Variants in BRD3 observed in about 807,000 individuals in gnomAD.
BRD3 encodes bromodomain containing 3.
BRD3 carries 17 observed loss-of-function variants against 66.8 expected under a neutral mutation model. The ratio of observed to expected loss-of-function variants is 0.25; its 90% confidence interval spans 0.17 to 0.38. BRD3 has a LOEUF of 0.38. BRD3 is among the 10% of genes least tolerant of loss of function. The pLI is 1.00. For synonymous variants in BRD3, 421 were observed against 393.2 expected (o/e 1.07, Z -0.84); for missense variants, 713 against 956.1 (o/e 0.75, Z 3.35).
chr9:134,036,858 A>C (rs1368203728), intron 9 of BRD3, among the ~76,000 whole-genome samples: 1 of 151,820 alleles, frequency 6.6e-6, no homozygotes, highest in East Asian at 1.9e-4. Context: ...AAAAATACAA[A>C]AAATTAGCCG....
At chr9:134,067,465 G>A (rs13286757) in intron 1 of BRD3, among the ~76,000 whole-genome samples, 52,486 of 148,500 alleles carry the variant, frequency 0.35, 9,774 homozygotes, top group Middle Eastern at 0.52. Context: ...CGGAGCGCAC[G>A]GCCGCAGGCC....
At chr9:134,065,058 C>T (rs941764247) in intron 1 of BRD3, among the ~76,000 whole-genome samples, 1 of 152,250 alleles carries the variant, frequency 6.6e-6, no homozygotes, top group Admixed American at 6.5e-5. Context: ...CCTTTTACGG[C>T]AAGAAGCCTT....
chr9:134,039,899 T>C, intron 9 of BRD3, 135 bp downstream of exon 9: 1 of 1,450,284 alleles, frequency 6.9e-7, no homozygotes, highest in Non-Finnish European at 9.0e-7. Flanking sequence ...TCAGGCCCTC[T>C]GTCTCCCTGC....
At chr9:134,067,409 G>A (rs1830685612) in intron 1 of BRD3, among the ~76,000 whole-genome samples, 1 of 150,492 alleles carries the variant, frequency 6.6e-6, no homozygotes, top group Non-Finnish European at 1.5e-5. Context: ...CCCAGCAACG[G>A]CTCGGGAGCG....
intron 5 of BRD3, 30 bp downstream of exon 5, chr9:134,050,344 G>C: frequency 6.3e-7 from 1 of 1,593,540 alleles, no homozygotes; most frequent in Non-Finnish European, 8.6e-7. Context: ...GGGCTCAGGT[G>C]CCCCACCCAT....
intron 4 of BRD3, among the ~76,000 whole-genome samples, chr9:134,051,123 C>T (rs1168692270): frequency 6.6e-6 from 1 of 152,198 alleles, no homozygotes; most frequent in Admixed American, 6.5e-5. Context: ...CAGCAAGACG[C>T]GGTCTTACTT....
In BRD3 at chr9:134,066,135, T is replaced by A. The variant is rs907892598; in HGVS notation, c.-114+1810A>T. Among the ~76,000 whole-genome samples, 4 of 152,176 alleles carry A rather than the reference T, an allele frequency of 2.6e-5. No homozygotes were observed. In the East Asian group the frequency reaches 7.7e-4, roughly 29 times the overall value. ...GCTTTTGAAATCCCTCCTCCCCGGATGTCCCAACGGCAGGGCTCAGGCTGG... is the reference window on the plus strand; with the variant it reads ...GCTTTTGAAATCCCTCCTCCCCGGAAGTCCCAACGGCAGGGCTCAGGCTGG... On this transcript the variant is annotated intron_variant, in intron 1 of 11. Coordinates refer to ENST00000303407, the MANE Select transcript of BRD3 (RefSeq NM_007371.4).
intron 1 of BRD3, among the ~76,000 whole-genome samples, chr9:134,063,312 C>T (rs1240457250): frequency 6.6e-6 from 1 of 152,240 alleles, no homozygotes; most frequent in African/African-American, 2.4e-5. Flanking sequence ...CCGTGCTTGA[C>T]CCTTGCCTCC....
In BRD3 at chr9:134,032,839, CCTTT is replaced by C. The variant is rs1225009878; in HGVS notation, c.*747_*750del. Reference sequence around the variant, plus strand: ...TTGCCGAACCTTACAAAAAAAGTCTCCTTTTTTTTTTTTTTTAAATCTTTTCTTC... The same window carrying C: ...TTGCCGAACCTTACAAAAAAAGTCTCTTTTTTTTTTTTAAATCTTTTCTTC... On this transcript the variant is annotated 3_prime_UTR_variant, in exon 12 of 12. Transcript: ENST00000303407. 5.1e-5 allele frequency: 13 copies of C among 256,160 alleles called. No individual in the cohort carries two copies. The highest frequency in any genetic ancestry group is 7.4e-5 in the Non-Finnish European group (11 of 148,782). 15.9% of individuals were successfully genotyped at this position (256,160 alleles called of 1,614,324 possible).
chr9:134,052,665 G>C (rs1303838916), intron 2 of BRD3, among the ~76,000 whole-genome samples: 1 of 152,152 alleles, frequency 6.6e-6, no homozygotes, highest in African/African-American at 2.4e-5. Context: ...GTGCAGAGAG[G>C]AGCCCACGGA....
At chr9:134,053,879 G>A (rs1371417785) in intron 1 of BRD3, 1 of 227,676 alleles carries the variant, frequency 4.4e-6, no homozygotes, top group Non-Finnish European at 8.7e-6. Flanking sequence ...GTGGGGGCTT[G>A]GGGAACACAC....
chr9:134,051,268 G>T (rs977358570), intron 4 of BRD3, among the ~76,000 whole-genome samples: 1 of 152,210 alleles, frequency 6.6e-6, no homozygotes, highest in African/African-American at 2.4e-5. Context: ...GAGCTGGAAG[G>T]GGGAGCAGGA....
intron 11 of BRD3, among the ~76,000 whole-genome samples, chr9:134,034,036 G>A (rs1426566501): frequency 1.3e-5 from 2 of 152,160 alleles, no homozygotes; most frequent in East Asian, 3.9e-4. Context: ...ACTCTGCCTG[G>A]GGCGTCCAAA....
chr9:134,055,759 A>G (rs868287870), intron 1 of BRD3: 1 of 152,706 alleles, frequency 6.5e-6, no homozygotes, highest in South Asian at 2.1e-4. Flanking sequence ...GAGCCAGGAA[A>G]TGGGGCTGAA....
In BRD3 at chr9:134,050,632, G is replaced by C; in HGVS notation, c.500-44C>G. 3 of 1,529,364 alleles carry C rather than the reference G, an allele frequency of 2.0e-6. 1 individual carries two copies. The highest frequency in any genetic ancestry group is 2.7e-6 in the Non-Finnish European group (3 of 1,117,824). 94.7% of individuals were successfully genotyped at this position (1,529,364 alleles called of 1,614,324 possible). A position where few individuals can be genotyped will look rare whatever the true frequency, so the allele number is the denominator to read the frequency against. On this transcript the variant is annotated intron_variant, in intron 4 of 11. Transcript: ENST00000303407. ...ATGTTCAACACACCAGGCTCCACTA[G>C]TATTTCCAGAAGCTTCCAGTGCCAC... is the stretch of plus-strand genomic sequence containing the variant.
chr9:134,060,161 C>T (rs1002831635), intron 1 of BRD3, among the ~76,000 whole-genome samples: 10 of 152,314 alleles, frequency 6.6e-5, no homozygotes, highest in Middle Eastern at 3.4e-3. Flanking sequence ...CCTTGCCAGT[C>T]GGGTAAAAGT....
At chr9:134,059,156 G>C (rs1053307492) in intron 1 of BRD3, among the ~76,000 whole-genome samples, 1 of 152,236 alleles carries the variant, frequency 6.6e-6, no homozygotes, top group African/African-American at 2.4e-5. Flanking sequence ...GATAATGTGG[G>C]GGGTGAAAAT....
chr9:134,051,528 G>C (rs770664228), intron 4 of BRD3, 34 bp downstream of exon 4: 2 of 1,495,194 alleles, frequency 1.3e-6, no homozygotes, highest in African/African-American at 2.9e-5. Context: ...TCTGCAGAGA[G>C]GCCCAGCCCC....
At chr9:134,034,567 G>C in intron 11 of BRD3, 134 bp downstream of exon 11, 1 of 1,280,946 alleles carries the variant, frequency 7.8e-7, no homozygotes, top group East Asian at 2.5e-5. Flanking sequence ...AGGAGCTCAA[G>C]AGCTCGTCTA....
Sources: allele counts gnomAD v4.1 joint callset (sites outside exome capture counted in the v4.1 genomes callset), GRCh38; gene constraint gnomAD v4.1.1; transcripts MANE v1.5; gene names NCBI Gene and HGNC (gene_info 2026-07-23, HGNC 2026-07-21).